The following SFI1 variants were observed in gnomAD, a reference collection of about 807,000 sequenced individuals.
SFI1 encodes the protein SFI1 centrin binding protein, also known as protein SFI1 homolog.
Under a neutral mutation model 207.5 loss-of-function variants are expected in SFI1, and 195 were observed. That is an observed-to-expected ratio of 0.94 (90% CI 0.84 to 1.06). The LOEUF (loss-of-function observed/expected upper bound fraction) is 1.06. Among genes scored for constraint, SFI1 ranks in the 50% least tolerant of loss-of-function variants. The pLI is 0.00. For missense variants in SFI1, 1,634 were observed against 1,588.0 expected (o/e 1.03, Z -0.49); for synonymous variants, 630 against 598.9 (o/e 1.05, Z -0.76).
At chr22:31,567,166 A>G (rs563153224) in intron 8 of SFI1, among the ~76,000 whole-genome samples, 1 of 152,148 alleles carries the variant, frequency 6.6e-6, no homozygotes, top group South Asian at 2.1e-4. Context: ...CGGCCTCCCA[A>G]AGTGTTGGGA....
chr22:31,571,719 T>C (rs60907110), intron 8 of SFI1, among the ~76,000 whole-genome samples: 9,172 of 152,234 alleles, frequency 0.06, 271 homozygotes, highest in African/African-American at 0.069. Context: ...TATCTTAAAG[T>C]GTATATCTCC....
At chr22:31,548,265 T>C (rs1490999552) in intron 5 of SFI1, among the ~76,000 whole-genome samples, 1 of 151,284 alleles carries the variant, frequency 6.6e-6, no homozygotes, top group Non-Finnish European at 1.5e-5. Flanking sequence ...TTACATTGAT[T>C]ATGGGAGAAA....
At position 31,618,560 on chromosome 22, in the gene SFI1, CT is replaced by C. The variant is rs1556405772; in HGVS notation, c.*146del. ...TGAATTACTGTTCAGAAGTCTCCCA[CT>C]TTTCATACAAAAATACTGTGCTACT... On this transcript the variant is annotated 3_prime_UTR_variant, in exon 33 of 33. Transcript: ENST00000400288. 2.4e-6 allele frequency: 2 copies of C among 833,442 alleles called. No individual in the cohort carries two copies. The highest frequency in any genetic ancestry group is 3.4e-6 in the Non-Finnish European group (2 of 583,484). 51.6% of individuals were successfully genotyped at this position (833,442 alleles called of 1,614,324 possible). A position where few individuals can be genotyped will look rare whatever the true frequency, so the allele number is the denominator to read the frequency against.
In SFI1 at chr22:31,582,204, TTTTATATA is replaced by T. The variant is rs1443538029; in HGVS notation, c.1249-1669_1249-1662del. ...CCCCCAACAACACTTCTTTATTACA[TTTTATATA>T]TATATATATATATATATATATATAT... On this transcript the variant is annotated intron_variant, in intron 12 of 32. Transcript: ENST00000400288. 3.5e-3 allele frequency among the ~76,000 whole-genome samples: 56 copies of T among 16,000 alleles called. 3 individuals are homozygous for T. The highest frequency in any genetic ancestry group is 0.034 in the East Asian group (12 of 350). 10.5% of individuals were successfully genotyped at this position (16,000 alleles called of 152,430 possible).
At chr22:31,524,687 T>TTTTTAA (rs1280363831) in intron 2 of SFI1, among the ~76,000 whole-genome samples, 2 of 129,468 alleles carry the variant, frequency 1.5e-5, no homozygotes, top group African/African-American at 5.8e-5. Flanking sequence ...AGTTGCCCCT[T>TTTTTAA]TTTTAATTGG....
At chr22:31,515,762 G>C (rs1327359875) in intron 2 of SFI1, among the ~76,000 whole-genome samples, 1 of 147,702 alleles carries the variant, frequency 6.8e-6, no homozygotes, top group East Asian at 2.0e-4. Context: ...TTTTGAGATG[G>C]CGTCTCCCTC....
chr22:31,568,224 A>G (rs868317261), intron 8 of SFI1, among the ~76,000 whole-genome samples: 4 of 124,402 alleles, frequency 3.2e-5, no homozygotes, highest in African/African-American at 1.3e-4. Flanking sequence ...ATATATATAT[A>G]TATTTTTTTT....
At position 31,561,341 on chromosome 22, in the gene SFI1, T is replaced by C; in HGVS notation, c.714T>C (p.Arg238=). The change falls in exon 8 of 33, where the codon CGT becomes CGC. Residue 238 remains arginine (R), a synonymous_variant. Transcript: ENST00000400288. The part of the protein sequence containing the change: ...RQRLGQVRVS[R]ALHASALKHR... The stretch of plus-strand genomic sequence containing the variant: ...GACTAGGACAGGTCCGTGTGAGCCG[T>C]GCCCTCCATGCCTCTGCTTTGAAGC... The C allele has an allele frequency of 6.2e-7, 1 of 1,614,122 alleles. No individual in the cohort carries two copies. The highest frequency in any genetic ancestry group is 8.5e-7 in the Non-Finnish European group (1 of 1,180,014).
chr22:31,607,978 T>TAA lies in SFI1; in HGVS notation c.2199_2200insAA (p.Tyr734AsnfsTer168). On this transcript the variant is annotated frameshift_variant, in exon 22 of 33. Coordinates refer to ENST00000400288, the MANE Select transcript of SFI1 (RefSeq NM_001007467.3). LOFTEE classifies it high-confidence loss of function. Reference sequence around the variant, plus strand: ...GGGAAGCTGTGTCAGTGCAGATGTATTACCGACAGCAGGAGGACTGTGCCA... The same window carrying TAA: ...GGGAAGCTGTGTCAGTGCAGATGTATAATACCGACAGCAGGAGGACTGTGCCA... The TAA allele has an allele frequency of 6.2e-7, 1 of 1,613,884 alleles. No homozygotes were observed. The highest frequency in any genetic ancestry group is 8.5e-7 in the Non-Finnish European group (1 of 1,179,902).
intron 8 of SFI1, among the ~76,000 whole-genome samples, chr22:31,570,712 G>A (rs2062859166): frequency 6.6e-6 from 1 of 152,088 alleles, no homozygotes; most frequent in South Asian, 2.1e-4. Flanking sequence ...GACCAGCCTG[G>A]GCAACATAGA....
chr22:31,598,490 G>A (rs1180687413), intron 15 of SFI1, among the ~76,000 whole-genome samples: 1 of 151,556 alleles, frequency 6.6e-6, no homozygotes, highest in African/African-American at 2.4e-5. Context: ...CGCTGTCTCA[G>A]CTCACTGCAA....
intron 6 of SFI1, 23 bp from the exon 7 acceptor site, chr22:31,556,919 A>T: frequency 6.5e-7 from 1 of 1,548,834 alleles, no homozygotes; most frequent in Non-Finnish European, 8.8e-7. Context: ...ATGCCTTTTG[A>T]AAAATCTCTT....
At chr22:31,617,370 T>C (rs1157690682) in intron 31 of SFI1, among the ~76,000 whole-genome samples, 2 of 152,008 alleles carry the variant, frequency 1.3e-5, no homozygotes, top group African/African-American at 2.4e-5. Context: ...AGCAAAACTC[T>C]AAAAACCCGA....
In SFI1 at chr22:31,551,007, C is replaced by G. The variant is rs566958543; in HGVS notation, c.544+659C>G. On this transcript the variant is annotated intron_variant, in intron 6 of 32. Coordinates refer to ENST00000400288, the MANE Select transcript of SFI1 (RefSeq NM_001007467.3). Reference sequence around the variant, plus strand: ...ACTTACTTAGGAATGGTGTCCATTCCTCATGCCTCATGTCATCACTTACCT... The same window carrying G: ...ACTTACTTAGGAATGGTGTCCATTCGTCATGCCTCATGTCATCACTTACCT... 1.8e-4 allele frequency among the ~76,000 whole-genome samples: 27 copies of G among 152,268 alleles called. 1 individual carries two copies. In the South Asian group the frequency reaches 5.6e-3, roughly 32 times the overall value.
intron 7 of SFI1, among the ~76,000 whole-genome samples, chr22:31,558,935 G>A (rs2061420031): frequency 1.3e-5 from 2 of 152,098 alleles, no homozygotes; most frequent in South Asian, 4.1e-4. Context: ...TCCTGCCTCA[G>A]CCTCCCAAGT....
chr22:31,581,039 T>C (rs1348046040), intron 12 of SFI1, among the ~76,000 whole-genome samples: 1 of 152,080 alleles, frequency 6.6e-6, no homozygotes, highest in African/African-American at 2.4e-5. Context: ...AGGGTCTTGT[T>C]CTGTCACCCA....
chr22:31,590,971 A>ATTTTT (rs1556252074), intron 15 of SFI1, among the ~76,000 whole-genome samples: 39 of 32,488 alleles, frequency 1.2e-3, no homozygotes, highest in African/African-American at 1.5e-3. Flanking sequence ...TTATTTATTT[A>ATTTTT]TTTATTTATT....
At chr22:31,575,107 T>C in intron 9 of SFI1, 124 bp from the exon 10 acceptor site, 3 of 502,020 alleles carry the variant, frequency 6.0e-6, no homozygotes, top group Non-Finnish European at 9.8e-6. Flanking sequence ...TGTGTGTGTG[T>C]GTGTGTGTGT....
chr22:31,523,184 TG>T (rs796407716), intron 2 of SFI1, among the ~76,000 whole-genome samples: 9 of 152,340 alleles, frequency 5.9e-5, no homozygotes, highest in African/African-American at 2.2e-4. Flanking sequence ...CATATCTCAT[TG>T]TAGTAATAGA....
Sources: gnomAD v4.1 joint callset for allele counts (sites outside exome capture counted in the v4.1 genomes callset) on GRCh38, gnomAD v4.1.1 for gene constraint, MANE v1.5 for transcripts, NCBI Gene and HGNC (gene_info 2026-07-23, HGNC 2026-07-21) for gene names.